Variants in SLC8B1 observed in about 807,000 individuals in gnomAD.
The protein encoded by SLC8B1 is solute carrier family 8 member B1.
Under a neutral mutation model 63.4 loss-of-function variants are expected in SLC8B1, and 52 were observed. The observed-to-expected ratio is 0.82, with a 90% CI of 0.66 to 1.03. The LOEUF (loss-of-function observed/expected upper bound fraction) is 1.03. SLC8B1 is among the 50% of genes least tolerant of loss of function. The pLI is 0.00. For missense variants in SLC8B1, 657 were observed against 741.7 expected, an observed-to-expected ratio of 0.89 and a Z score of 1.33; for synonymous variants, 336 against 323.9, an observed-to-expected ratio of 1.04 and a Z score of -0.40.
intron 13 of SLC8B1, among the ~76,000 whole-genome samples, chr12:113,307,150 A>AAAAAAAAAAAG (rs1956687676): frequency 7.7e-6 from 1 of 129,718 alleles, no homozygotes; most frequent in Non-Finnish European, 1.6e-5. Flanking sequence ...AAAAAAAAAA[A>AAAAAAAAAAAG]ACTACGGCTA....
At chr12:113,300,231 A>G (rs990874798) in intron 15 of SLC8B1, among the ~76,000 whole-genome samples, 2 of 152,224 alleles carry the variant, frequency 1.3e-5, no homozygotes, top group African/African-American at 4.8e-5. Flanking sequence ...TAATTCCAGC[A>G]CTTTGGGAGG....
chr12:113,330,957 C>T (rs1011359562), intron 2 of SLC8B1, among the ~76,000 whole-genome samples: 6 of 152,122 alleles, frequency 3.9e-5, no homozygotes, highest in African/African-American at 7.2e-5. Context: ...GACATCAGAG[C>T]GGAAAGATGC....
intron 2 of SLC8B1, among the ~76,000 whole-genome samples, chr12:113,326,412 G>T (rs1277494413): frequency 6.6e-6 from 1 of 152,096 alleles, no homozygotes; most frequent in Non-Finnish European, 1.5e-5. Flanking sequence ...CTGTTGCCCA[G>T]GCTGAAGTAC....
intron 2 of SLC8B1, among the ~76,000 whole-genome samples, chr12:113,330,565 C>T (rs1312243039): frequency 1.3e-5 from 2 of 152,216 alleles, no homozygotes; most frequent in Admixed American, 6.5e-5. Flanking sequence ...GATCTAAGTG[C>T]TCAATAACTT....
intron 2 of SLC8B1, among the ~76,000 whole-genome samples, chr12:113,325,329 C>T (rs1956983079): frequency 6.6e-6 from 1 of 152,202 alleles, no homozygotes; most frequent in Admixed American, 6.5e-5. Flanking sequence ...TCATGGCTCA[C>T]TTCAGCCTCG....
intron 2 of SLC8B1, among the ~76,000 whole-genome samples, chr12:113,328,556 G>A (rs1245360424): frequency 6.6e-6 from 1 of 152,136 alleles, no homozygotes; most frequent in African/African-American, 2.4e-5. Context: ...CTGGTCAGCT[G>A]TCAGGTCCTG....
At chr12:113,323,134 C>A (rs1956954108) in intron 2 of SLC8B1, among the ~76,000 whole-genome samples, 1 of 152,088 alleles carries the variant, frequency 6.6e-6, no homozygotes, top group Non-Finnish European at 1.5e-5. Context: ...GGTTTTAGTT[C>A]CCCAGCACCT....
intron 2 of SLC8B1, among the ~76,000 whole-genome samples, chr12:113,322,289 C>T (rs1231368538): frequency 1.3e-5 from 2 of 152,160 alleles, no homozygotes; most frequent in African/African-American, 2.4e-5. Flanking sequence ...TCCGTGTGCA[C>T]TCAGTGGGAG....
chr12:113,304,343 G>C lies in SLC8B1; in HGVS notation c.1535C>G (p.Ser512Cys), dbSNP rs746407772. Reference protein sequence around the residue: ...GVGLGCLLQISRSHTEVKLEP... With the variant: ...GVGLGCLLQICRSHTEVKLEP... ...CACCTTCACTTCTGTGTGGCTTCGG[G>C]AGATCTGGAGCAGGCAGCCCAGCCC... Residue 512 changes from serine (S) to cysteine (C), a missense_variant, in exon 15 of 16, where the codon TCC (serine) becomes TGC (cysteine). Coordinates refer to ENST00000680972, the MANE Select transcript of SLC8B1 (RefSeq NM_001358345.2). 6.2e-7 allele frequency: 1 copy of C among 1,614,026 alleles called. No individual in the cohort carries two copies. The highest frequency in any genetic ancestry group is 2.2e-5 in the East Asian group (1 of 44,876).
At chr12:113,312,172 A>G (rs61932123) in intron 11 of SLC8B1, among the ~76,000 whole-genome samples, 13,423 of 151,970 alleles carry the variant, frequency 0.088, 661 homozygotes, top group East Asian at 0.19. Flanking sequence ...GGTGGCTCAC[A>G]CCTATAATCC....
intron 2 of SLC8B1, among the ~76,000 whole-genome samples, chr12:113,328,579 C>G (rs73192862): frequency 0.11 from 17,250 of 152,000 alleles, 1,074 homozygotes; most frequent in African/African-American, 0.17. Context: ...ATGCCCAGAC[C>G]CTCCTGGCAT....
intron 15 of SLC8B1, among the ~76,000 whole-genome samples, chr12:113,303,714 A>C (rs1956631393): frequency 6.6e-6 from 1 of 152,082 alleles, no homozygotes; most frequent in Admixed American, 6.5e-5. Flanking sequence ...GCCACATGCT[A>C]CCTACCCAAA....
At position 113,310,208 on chromosome 12, in the gene SLC8B1, C is replaced by G. The variant is rs373963566; in HGVS notation, c.1257+26G>C. On this transcript the variant is annotated intron_variant, in intron 12 of 15. Coordinates refer to ENST00000680972, the MANE Select transcript of SLC8B1 (RefSeq NM_001358345.2). ...GGAGACATCAGCATCCCTCCCCCCCCATCTCGGAGAACCCGGGCTTCTTAC... is the reference window on the plus strand; with the variant it reads ...GGAGACATCAGCATCCCTCCCCCCCGATCTCGGAGAACCCGGGCTTCTTAC... The G allele has an allele frequency of 3.0e-5, 48 of 1,609,198 alleles. No individual in the cohort carries two copies. The South Asian group carries it at 3.5e-4, about 12-fold the overall frequency.
In SLC8B1 at chr12:113,299,293, C is replaced by T. The variant is rs762647947; in HGVS notation, c.*484G>A. On this transcript the variant is annotated 3_prime_UTR_variant, in exon 16 of 16. Coordinates refer to ENST00000680972, the MANE Select transcript of SLC8B1 (RefSeq NM_001358345.2). ...TGCGGCTCTGGAGCTCAGCCCTCGG[C>T]GGCCTGATTCCCAGGGGTCCAAGCC... The T allele has an allele frequency of 8.5e-5, 15 of 177,256 alleles. No homozygotes were observed. The highest frequency in any genetic ancestry group is 1.5e-4 in the Non-Finnish European group (12 of 81,468). The allele number at this position is 177,256 out of a possible 1,614,324, so 11.0% of individuals were successfully genotyped here.
Position 113,320,230 on chromosome 12 carries a change from G to T in SLC8B1, c.694+101C>A. On this transcript the variant is annotated intron_variant, in intron 7 of 15. Transcript: ENST00000680972. This position sits in a 1 kb window ranked among gnomAD's most constrained non-coding sequence, Gnocchi z 5.3. Reference sequence around the variant, plus strand: ...TTCTGTCACTTGTAATCAAATCAAAGCCCCCACTGACCACCCCTCACACCT... The same window carrying T: ...TTCTGTCACTTGTAATCAAATCAAATCCCCCACTGACCACCCCTCACACCT... The T allele has an allele frequency of 7.3e-7, 1 of 1,368,360 alleles. No homozygotes were observed. The highest frequency in any genetic ancestry group is 1.0e-6 in the Non-Finnish European group (1 of 1,004,462). 84.8% of individuals were successfully genotyped at this position (1,368,360 alleles called of 1,614,324 possible).
At position 113,316,215 on chromosome 12, in the gene SLC8B1, A is replaced by G. The variant is rs1956834092; in HGVS notation, c.993+311T>C. On this transcript the variant is annotated intron_variant, in intron 10 of 15. Coordinates refer to ENST00000680972, the MANE Select transcript of SLC8B1 (RefSeq NM_001358345.2). The stretch of plus-strand genomic sequence containing the variant: ...CACTCCAGCCTGGGCAATAGAGCGA[A>G]ACTCTGTCTCAAAAAAAAAAAAAAG... 1.3e-5 allele frequency among the ~76,000 whole-genome samples: 2 copies of G among 151,616 alleles called. 1 individual carries two copies.
intron 7 of SLC8B1, 170 bp from the exon 8 acceptor site, chr12:113,319,241 C>G: frequency 3.4e-6 from 2 of 587,646 alleles, no homozygotes. Context: ...CTTCCTCCTG[C>G]CTTCCAGGAC....
intron 11 of SLC8B1, among the ~76,000 whole-genome samples, 159 bp downstream of exon 11, chr12:113,315,175 GC>G (rs1225837806): frequency 1.3e-5 from 2 of 152,196 alleles, no homozygotes; most frequent in African/African-American, 4.8e-5. Context: ...AATCCCAGCT[GC>G]CCAGGGGGCT....
At position 113,310,337 on chromosome 12, in the gene SLC8B1, C is replaced by G. The variant is rs1129223; in HGVS notation, c.1154G>C (p.Gly385Ala). 1 of 1,613,926 alleles carries G rather than the reference C, an allele frequency of 6.2e-7. No homozygotes were observed. Among genetic ancestry groups the G allele is most frequent in the South Asian group, 1.1e-5 (1 of 91,052 alleles). The stretch of plus-strand genomic sequence containing the variant: ...CACGACCCAGACGGGAACGAGGCCG[C>G]CTATCTCATAGACACCATCTGCAAA... ...QSGTYGVYEI[G>A]GLVPVWVVVV... The change falls in exon 12 of 16, where the codon GGC becomes GCC. Residue 385 changes from glycine (G) to alanine (A), a missense_variant. Physicochemically the swap from Gly to Ala is moderately conservative, Grantham distance 60. Coordinates refer to ENST00000680972, the MANE Select transcript of SLC8B1 (RefSeq NM_001358345.2).
Sources: gnomAD v4.1 joint callset for allele counts (sites outside exome capture counted in the v4.1 genomes callset) on GRCh38, gnomAD v4.1.1 for gene constraint, Gnocchi (gnomAD v3.1) non-coding constraint, MANE v1.5 for transcripts, NCBI Gene and HGNC (gene_info 2026-07-23, HGNC 2026-07-21) for gene names.